PLEKHA6: variants seen among roughly 807,000 people sequenced by gnomAD.
The protein encoded by PLEKHA6 is pleckstrin homology domain-containing family A member 6.
Under a neutral mutation model 116.7 loss-of-function variants are expected in PLEKHA6, and 60 were observed. The observed-to-expected ratio is 0.51, with a 90% CI of 0.42 to 0.64. The LOEUF is 0.64. PLEKHA6 is among the 30% of genes least tolerant of loss of function. PLEKHA6 has a pLI of 0.00. For missense variants in PLEKHA6, 1,338 were observed against 1,422.7 expected, an observed-to-expected ratio of 0.94 and a Z score of 0.96; for synonymous variants, 489 against 556.1, an observed-to-expected ratio of 0.88 and a Z score of 1.70.
chr1:204,346,828 T>C lies in PLEKHA6; in HGVS notation c.-95+12866A>G, dbSNP rs1287518360. 2.0e-5 allele frequency: 26 copies of C among 1,330,634 alleles called. No homozygotes were observed. In the Admixed American group the frequency reaches 2.0e-4, roughly 10 times the overall value. The allele number at this position is 1,330,634 out of a possible 1,614,324, so 82.4% of individuals were successfully genotyped here. On this transcript the variant is annotated intron_variant, in intron 1 of 22. Transcript: ENST00000272203. ...TTCCAGCAGCTCAGGCTCCTTCCCA[T>C]TGGTTCTCACAAAGTGTGCTTCTCT...
intron 18 of PLEKHA6, among the ~76,000 whole-genome samples, chr1:204,229,479 T>C (rs1199236118): frequency 6.6e-6 from 1 of 152,252 alleles, no homozygotes; most frequent in South Asian, 2.1e-4. Flanking sequence ...AGTCACAGAA[T>C]CATAGCTCAC....
rs1282937144 is a variant in PLEKHA6 at position 204,260,099 on chromosome 1, A to G, written c.525-359T>C. 3.3e-5 allele frequency among the ~76,000 whole-genome samples: 5 copies of G among 152,200 alleles called. No individual in the cohort carries two copies. The South Asian group carries it at 8.3e-4, about 25-fold the overall frequency. ...CTAGTCTTGGTCCTCTCTGCGATCTATCCCTGACCCAGCTCCCCAAACTGG... is the reference window on the plus strand; with the variant it reads ...CTAGTCTTGGTCCTCTCTGCGATCTGTCCCTGACCCAGCTCCCCAAACTGG... On this transcript the variant is annotated intron_variant, in intron 7 of 22. Coordinates refer to ENST00000272203, the MANE Select transcript of PLEKHA6 (RefSeq NM_014935.5).
intron 9 of PLEKHA6, among the ~76,000 whole-genome samples, chr1:204,252,382 G>T (rs1664684511): frequency 6.6e-6 from 1 of 151,774 alleles, no homozygotes; most frequent in Admixed American, 6.6e-5. Flanking sequence ...TGGGAGAAAG[G>T]GCAGGCCAAC....
At chr1:204,241,992 C>T (rs566851382) in intron 15 of PLEKHA6, among the ~76,000 whole-genome samples, 178 bp from the exon 16 acceptor site, 17 of 152,224 alleles carry the variant, frequency 1.1e-4, no homozygotes, top group African/African-American at 3.4e-4. Context: ...GCCTCCCATT[C>T]GTGCACTTTA....
In PLEKHA6 at chr1:204,228,503, G is replaced by C. The variant is rs923852420; in HGVS notation, c.2885+225C>G. Among the ~76,000 whole-genome samples the C allele has an allele frequency of 3.9e-5, 6 of 152,298 alleles. No individual in the cohort carries two copies. The highest frequency in any genetic ancestry group is 3.3e-4 in the Admixed American group (5 of 15,310). ...GAAGTCACCAGAGGGCGAGCCTTCA[G>C]TTTTGTCTCGATGGTGTGGTGTGCA... is the stretch of plus-strand genomic sequence containing the variant. On this transcript the variant is annotated intron_variant, in intron 20 of 22. Coordinates refer to ENST00000272203, the MANE Select transcript of PLEKHA6 (RefSeq NM_014935.5). The surrounding 1 kb of genome is among the most constrained non-coding windows in gnomAD (Gnocchi z 4.0).
intron 21 of PLEKHA6, among the ~76,000 whole-genome samples, chr1:204,227,362 C>T (rs771868518): frequency 1.3e-5 from 2 of 152,206 alleles, no homozygotes; most frequent in African/African-American, 4.8e-5. Context: ...CCCACTGTCT[C>T]TCCTCTCCCT....
intron 9 of PLEKHA6, among the ~76,000 whole-genome samples, chr1:204,253,846 AAAAAC>A (rs201374369): frequency 9.7e-4 from 141 of 145,058 alleles, no homozygotes; most frequent in East Asian, 3.4e-3. Context: ...AAAAAAAAAA[AAAAAC>A]AAAAACAAAA....
At chr1:204,268,151 T>C in intron 4 of PLEKHA6, 57 bp downstream of exon 4, 1 of 1,143,600 alleles carries the variant, frequency 8.7e-7, no homozygotes, top group Non-Finnish European at 1.3e-6. Context: ...AGAGGAATCC[T>C]TATTCTGTGA....
intron 2 of PLEKHA6, among the ~76,000 whole-genome samples, chr1:204,370,138 C>T (rs1673746315): frequency 6.6e-6 from 1 of 152,196 alleles, no homozygotes; most frequent in Admixed American, 6.5e-5. Flanking sequence ...CACCACTTTG[C>T]TTATTAGTCA....
chr1:204,364,741 T>G (rs1397726154), upstream of PLEKHA6, among the ~76,000 whole-genome samples: 2 of 152,114 alleles, frequency 1.3e-5, no homozygotes, highest in Non-Finnish European at 1.5e-5. Flanking sequence ...GGCTACTGGT[T>G]CTCGAAGTGT....
chr1:204,274,550 G>A (rs1019244740), intron 2 of PLEKHA6, 179 bp downstream of exon 2: 1 of 961,664 alleles, frequency 1.0e-6, no homozygotes, highest in African/African-American at 1.8e-5. Flanking sequence ...AGTGGATGAG[G>A]GTGTCAAGCC....
chr1:204,259,275 C>G lies in PLEKHA6; in HGVS notation c.990G>C (p.Pro330=), dbSNP rs140746480. The G allele has an allele frequency of 6.2e-7, 1 of 1,613,746 alleles. No individual in the cohort carries two copies. The highest frequency in any genetic ancestry group is 1.3e-5 in the African/African-American group (1 of 75,074). ...TGCCTCACCTCCGAAGGTCTTCAGG[C>G]GGGGGTACCCCCCGGCGCAGATTCA... is the stretch of plus-strand genomic sequence containing the variant. ...QWVNLRRGVP[P]PEDLRSPSRF... The change falls in exon 8 of 23, where the codon CCG becomes CCC. Residue 330 remains proline, a synonymous_variant. Transcript: ENST00000272203. The surrounding 1 kb of genome is among the most constrained non-coding windows in gnomAD (Gnocchi z 4.6).
Position 204,228,933 on chromosome 1 carries a change from T to A in PLEKHA6, c.2751+4A>T. The A allele has an allele frequency of 6.2e-7, 1 of 1,614,082 alleles. No individual in the cohort carries two copies. The highest frequency in any genetic ancestry group is 8.5e-7 in the Non-Finnish European group (1 of 1,179,998). On this transcript the variant is annotated splice_donor_region_variant and intron_variant, in intron 19 of 22. Transcript: ENST00000272203. This position sits in a 1 kb window ranked among gnomAD's most constrained non-coding sequence, Gnocchi z 4.0. ...CCACTACAGCCCTTCCTGGCTCCACTCACCTCCTTATTGATGTCCACGTCA... is the reference window on the plus strand; with the variant it reads ...CCACTACAGCCCTTCCTGGCTCCACACACCTCCTTATTGATGTCCACGTCA...
intron 15 of PLEKHA6, among the ~76,000 whole-genome samples, chr1:204,242,807 A>T (rs1663021010): frequency 1.3e-5 from 2 of 152,182 alleles, no homozygotes; most frequent in Admixed American, 1.3e-4. Flanking sequence ...TTGGCTGGTC[A>T]TGTTGGTAGG....
At chr1:204,255,581 A>G (rs1175883405) in intron 9 of PLEKHA6, 1 of 700,914 alleles carries the variant, frequency 1.4e-6, no homozygotes, top group East Asian at 2.7e-5. Flanking sequence ...GAGAGATGCG[A>G]CAGGAAGGCA....
At chr1:204,278,572 A>G (rs1304110741) in intron 1 of PLEKHA6, among the ~76,000 whole-genome samples, 1 of 152,268 alleles carries the variant, frequency 6.6e-6, no homozygotes, top group Admixed American at 6.5e-5. Flanking sequence ...TGAATGGAAA[A>G]GCAAATGGAC....
intron 1 of PLEKHA6, among the ~76,000 whole-genome samples, chr1:204,325,184 G>C (rs1672198997): frequency 2.0e-5 from 3 of 152,152 alleles, no homozygotes; most frequent in Admixed American, 2.0e-4. Flanking sequence ...GGAAAGTCTA[G>C]TGTCAGGCAC....
Position 204,280,301 on chromosome 1 carries a change from G to A in PLEKHA6, c.-94-5492C>T, listed in dbSNP as rs1186178574. The A allele has an allele frequency of 5.1e-6, 5 of 985,226 alleles. No individual in the cohort carries two copies. The East Asian group carries it at 5.7e-4, about 112-fold the overall frequency. 61.0% of individuals were successfully genotyped at this position (985,226 alleles called of 1,614,324 possible). A position where few individuals can be genotyped will look rare whatever the true frequency, so the allele number is the denominator to read the frequency against. On this transcript the variant is annotated intron_variant, in intron 1 of 22. Transcript: ENST00000272203. The stretch of plus-strand genomic sequence containing the variant: ...TATACCTGGCACTACACTGTCAAGA[G>A]TGGCAAAATTAATCCAAGTTTCACG...
chr1:204,278,010 G>GA (rs1668200058), intron 1 of PLEKHA6: 2 of 152,368 alleles, frequency 1.3e-5, no homozygotes, highest in South Asian at 4.1e-4. Flanking sequence ...GTTTATGGCT[G>GA]AAAATCTTCC....
Sources: allele counts gnomAD v4.1 joint callset (sites outside exome capture counted in the v4.1 genomes callset), GRCh38; gene constraint gnomAD v4.1.1; non-coding constraint Gnocchi (gnomAD v3.1); transcripts MANE v1.5; gene names NCBI Gene and HGNC (gene_info 2026-07-23, HGNC 2026-07-21).